WDFY4: variants seen among roughly 807,000 people sequenced by gnomAD.
The protein encoded by WDFY4 is WD repeat- and FYVE domain-containing protein 4.
WDFY4 carries 169 observed loss-of-function variants against 351.9 expected under a neutral mutation model. The observed-to-expected ratio is 0.48, with a 90% CI of 0.42 to 0.55. WDFY4 has a LOEUF of 0.55. Ranked by LOEUF, WDFY4 falls within the 20% of genes least tolerant of loss-of-function variation. The probability of loss-of-function intolerance (pLI) is 0.00; values close to 1 mark genes in which losing one functional copy is unlikely to be tolerated. For missense variants in WDFY4, 3,803 were observed against 3,935.6 expected, an observed-to-expected ratio of 0.97 and a Z score of 0.90; for synonymous variants, 1,622 against 1,574.6, an observed-to-expected ratio of 1.03 and a Z score of -0.71.
At chr10:48,712,833 AT>A (rs34775395) in intron 2 of WDFY4, among the ~76,000 whole-genome samples, 31,036 of 152,154 alleles carry the variant, frequency 0.2, 3,252 homozygotes, top group Middle Eastern at 0.27. Flanking sequence ...AGAACCTAAA[AT>A]GTTATGCCAC....
At chr10:48,910,159 T>C in intron 47 of WDFY4, 1 of 1,342,288 alleles carries the variant, frequency 7.4e-7, no homozygotes, top group African/African-American at 1.4e-5. Context: ...CTCTGTCTTC[T>C]CCTAACTGGG....
At chr10:48,867,042 C>T (rs1053804178) in intron 39 of WDFY4, among the ~76,000 whole-genome samples, 14 of 151,838 alleles carry the variant, frequency 9.2e-5, no homozygotes, top group African/African-American at 1.7e-4. Flanking sequence ...TGGTGGTGGG[C>T]GCCTGAAATC....
At chr10:48,928,728 T>C (rs546933317) in intron 47 of WDFY4, among the ~76,000 whole-genome samples, 7 of 152,194 alleles carry the variant, frequency 4.6e-5, no homozygotes, top group Admixed American at 2.0e-4. Context: ...GAGCACCCCA[T>C]CTGCCGCAGG....
chr10:48,938,181 C>G (rs1051027090), intron 47 of WDFY4, among the ~76,000 whole-genome samples: 1 of 152,230 alleles, frequency 6.6e-6, no homozygotes, highest in African/African-American at 2.4e-5. Context: ...GTCCTCAAAA[C>G]TGTTTTTGCA....
intron 2 of WDFY4, among the ~76,000 whole-genome samples, chr10:48,715,468 G>A (rs889111390): frequency 6.6e-6 from 1 of 152,206 alleles, no homozygotes; most frequent in African/African-American, 2.4e-5. Context: ...GTGTGCATAT[G>A]TGCACATTCC....
intron 1 of WDFY4, 85 bp downstream of exon 1, chr10:48,685,086 G>C (rs1337724518): frequency 6.6e-6 from 1 of 152,516 alleles, no homozygotes; most frequent in African/African-American, 2.4e-5. Context: ...CCTACTGGCT[G>C]CCTCCTGGGA....
intron 13 of WDFY4, among the ~76,000 whole-genome samples, chr10:48,766,204 G>C (rs1180821789): frequency 6.6e-6 from 1 of 152,148 alleles, no homozygotes; most frequent in Non-Finnish European, 1.5e-5. Context: ...CTTTCCCACT[G>C]AGCCCCTTAC....
At chr10:48,716,671 A>T (rs1243621454) in intron 2 of WDFY4, among the ~76,000 whole-genome samples, 1 of 152,196 alleles carries the variant, frequency 6.6e-6, no homozygotes, top group Non-Finnish European at 1.5e-5. Flanking sequence ...GGCTCAGAGT[A>T]CAATTACTGT....
Position 48,731,510 on chromosome 10 carries a change from G to T in WDFY4, c.1530G>T (p.Leu510=). 6.4e-7 allele frequency: 1 copy of T among 1,551,528 alleles called. No homozygotes were observed. The highest frequency in any genetic ancestry group is 8.7e-7 in the Non-Finnish European group (1 of 1,146,966). ...ACATCTTCCGGGACTCAGGGCTCCT[G>T]GGCCTGCTACTGGCACAGCTTCGGA... ...FTDIFRDSGL[L]GLLLAQLRKQ... is the part of the protein sequence containing the mutation. Residue 510 remains leucine, a synonymous_variant, in exon 9 of 62, where the codon CTG becomes CTT. Coordinates refer to ENST00000325239, the MANE Select transcript of WDFY4 (RefSeq NM_001394531.1).
chr10:48,791,214 G>A (rs1015550413), intron 23 of WDFY4, among the ~76,000 whole-genome samples: 1 of 152,208 alleles, frequency 6.6e-6, no homozygotes, highest in African/African-American at 2.4e-5. Context: ...CTCTAGCATG[G>A]TGGCTGAGAG....
intron 5 of WDFY4, among the ~76,000 whole-genome samples, chr10:48,723,924 C>T (rs2064177348): frequency 6.6e-6 from 1 of 151,784 alleles, no homozygotes; most frequent in African/African-American, 2.4e-5. Context: ...TCATAGAAGT[C>T]TTGGGTGGGG....
At chr10:48,926,606 T>C (rs1244326387) in intron 47 of WDFY4, among the ~76,000 whole-genome samples, 3 of 152,194 alleles carry the variant, frequency 2.0e-5, no homozygotes, top group African/African-American at 7.2e-5. Flanking sequence ...GTGTGACCCA[T>C]TGTCTGCTCA....
chr10:48,862,461 T>C (rs940913428), intron 39 of WDFY4, among the ~76,000 whole-genome samples: 2 of 152,144 alleles, frequency 1.3e-5, no homozygotes, highest in Non-Finnish European at 2.9e-5. Flanking sequence ...GAACTGCACA[T>C]GCCAGGGATC....
intron 4 of WDFY4, among the ~76,000 whole-genome samples, chr10:48,722,741 G>A (rs775679600): frequency 3.9e-5 from 6 of 152,224 alleles, no homozygotes; most frequent in Non-Finnish European, 8.8e-5. Context: ...CACACAGAGG[G>A]TGCAGGTGCA....
At chr10:48,824,481 G>T (rs2067930419) in intron 35 of WDFY4, among the ~76,000 whole-genome samples, 1 of 151,806 alleles carries the variant, frequency 6.6e-6, no homozygotes, top group African/African-American at 2.4e-5. Context: ...AGAAATCTCG[G>T]GTCACCAAAT....
intron 7 of WDFY4, 106 bp downstream of exon 7, chr10:48,727,765 T>C (rs929818110): frequency 1.7e-5 from 24 of 1,373,438 alleles, no homozygotes; most frequent in Admixed American, 2.5e-5. Context: ...CCATAGAACA[T>C]GGCCAGAGAG....
At chr10:48,797,858 A>T (rs185971823) in intron 24 of WDFY4, among the ~76,000 whole-genome samples, 4 of 152,370 alleles carry the variant, frequency 2.6e-5, no homozygotes, top group Admixed American at 2.6e-4. Context: ...CAAACTTTTG[A>T]TATCTAGGGA....
intron 39 of WDFY4, among the ~76,000 whole-genome samples, chr10:48,842,818 C>T (rs1486633578): frequency 6.6e-6 from 1 of 152,186 alleles, no homozygotes; most frequent in Non-Finnish European, 1.5e-5. Flanking sequence ...CTATCTCCTG[C>T]CAGTCACACT....
intron 12 of WDFY4, 117 bp from the exon 13 acceptor site, chr10:48,760,230 A>T: frequency 1.1e-6 from 1 of 888,860 alleles, no homozygotes. Flanking sequence ...TCATCTAGGT[A>T]ATAAGACAGG....
Sources: allele counts gnomAD v4.1 joint callset (sites outside exome capture counted in the v4.1 genomes callset), GRCh38; gene constraint gnomAD v4.1.1; transcripts MANE v1.5; gene names NCBI Gene and HGNC (gene_info 2026-07-23, HGNC 2026-07-21).